The following FOXO3 variants were observed in gnomAD, a reference collection of about 807,000 sequenced individuals.
FOXO3 encodes the protein forkhead box O3, also known as forkhead box protein O3.
FOXO3 carries 4 observed loss-of-function variants against 41.9 expected under a neutral mutation model. The observed-to-expected ratio is 0.10, with a 90% CI of 0.05 to 0.22. The LOEUF is 0.22. Among genes scored for constraint, FOXO3 ranks in the 10% least tolerant of loss-of-function variants. The pLI, the probability that FOXO3 is intolerant of heterozygous loss-of-function variation, is 1.00. For missense variants in FOXO3, 534 were observed against 906.8 expected (o/e 0.59, Z 5.28); for synonymous variants, 318 against 389.3 (o/e 0.82, Z 2.16).
chr6:108,570,553 CCT>C (rs1390376581), intron 1 of FOXO3, among the ~76,000 whole-genome samples: 1 of 152,092 alleles, frequency 6.6e-6, no homozygotes, highest in African/African-American at 2.4e-5. Context: ...GTCTCAAACT[CCT>C]GGGTTCAAGC....
At chr6:108,636,491 G>A (rs1056592469) in intron 1 of FOXO3, among the ~76,000 whole-genome samples, 1 of 152,130 alleles carries the variant, frequency 6.6e-6, no homozygotes, top group African/African-American at 2.4e-5. Flanking sequence ...CTGGGCTGGG[G>A]TGGGGGGTGC....
At chr6:108,658,610 A>G (rs1778756355) in intron 1 of FOXO3, among the ~76,000 whole-genome samples, 1 of 151,548 alleles carries the variant, frequency 6.6e-6, no homozygotes, top group African/African-American at 2.4e-5. Flanking sequence ...TGCAGTGGAG[A>G]TGGGGTTTCG....
chr6:108,580,271 C>T (rs1432279502), intron 1 of FOXO3, among the ~76,000 whole-genome samples: 1 of 145,818 alleles, frequency 6.9e-6, no homozygotes, highest in Non-Finnish European at 1.5e-5. Flanking sequence ...TCACCACAAC[C>T]TCTGCCTCCT....
At chr6:108,634,858 A>G (rs938686044) in intron 1 of FOXO3, among the ~76,000 whole-genome samples, 3 of 152,074 alleles carry the variant, frequency 2.0e-5, no homozygotes, top group African/African-American at 7.2e-5. Flanking sequence ...AACAATATGG[A>G]TGGTATACCT....
intron 1 of FOXO3, among the ~76,000 whole-genome samples, chr6:108,594,783 TC>T (rs1338854689): frequency 1.3e-5 from 2 of 152,162 alleles, no homozygotes; most frequent in African/African-American, 4.8e-5. Context: ...TGCCCATTCA[TC>T]CCCAAATCGG....
At chr6:108,625,166 G>A (rs1411957293) in intron 1 of FOXO3, among the ~76,000 whole-genome samples, 1 of 152,118 alleles carries the variant, frequency 6.6e-6, no homozygotes, top group Non-Finnish European at 1.5e-5. Context: ...TCTGACGTTT[G>A]TTATAATTTA....
In FOXO3 at chr6:108,662,657, C is replaced by T. The variant is rs111881383; in HGVS notation, c.622-798C>T. Among the ~76,000 whole-genome samples the T allele has an allele frequency of 3.9e-3, 593 of 152,254 alleles. 1 individual carries two copies. Among genetic ancestry groups the T allele is most frequent in the South Asian group, 8.3e-3 (40 of 4,820 alleles). ...ACAGAAGTAGTTAAGAAAAGGTAGA[C>T]GTTGTGCCTCTATACTAGTGGAGGA... On this transcript the variant is annotated intron_variant, in intron 1 of 2. Coordinates refer to ENST00000406360, the MANE Select transcript of FOXO3 (RefSeq NM_001455.4).
chr6:108,661,526 A>T (rs1343658674), intron 1 of FOXO3, among the ~76,000 whole-genome samples: 1 of 152,182 alleles, frequency 6.6e-6, no homozygotes, highest in Non-Finnish European at 1.5e-5. Flanking sequence ...AGCCTGCTGC[A>T]GGCCATGAAC....
intron 1 of FOXO3, among the ~76,000 whole-genome samples, chr6:108,628,788 C>G (rs1490110029): frequency 6.6e-6 from 1 of 151,906 alleles, no homozygotes; most frequent in Non-Finnish European, 1.5e-5. Context: ...ACATCCTTTC[C>G]CATTAGGCAC....
chr6:108,641,918 A>AT (rs957902283), intron 1 of FOXO3, among the ~76,000 whole-genome samples: 22 of 152,200 alleles, frequency 1.4e-4, no homozygotes, highest in African/African-American at 5.1e-4. Flanking sequence ...AGACCTGTCC[A>AT]TATAAATGAG....
intron 1 of FOXO3, among the ~76,000 whole-genome samples, chr6:108,588,505 G>A (rs1296558408): frequency 2.6e-5 from 4 of 152,172 alleles, no homozygotes; most frequent in African/African-American, 9.7e-5. Flanking sequence ...GAATGCATTT[G>A]TTATTTAAAG....
Position 108,681,234 on chromosome 6 carries a change from A to G in FOXO3, c.*1442A>G, listed in dbSNP as rs574572095. 1.3e-3 allele frequency: 201 copies of G among 152,810 alleles called. 1 individual carries two copies. The highest frequency in any genetic ancestry group is 4.5e-3 in the African/African-American group (187 of 41,582). The allele number at this position is 152,810 out of a possible 1,614,324, so 9.5% of individuals were successfully genotyped here. A position where few individuals can be genotyped will look rare whatever the true frequency, so the allele number is the denominator to read the frequency against. On this transcript the variant is annotated 3_prime_UTR_variant, in exon 3 of 3. Coordinates refer to ENST00000406360, the MANE Select transcript of FOXO3 (RefSeq NM_001455.4). ...GGTATAACGATGCTCTGATTAGCAC[A>G]GTATATGCATACTTCTCCAAAGTGA...
intron 1 of FOXO3, among the ~76,000 whole-genome samples, chr6:108,589,564 TTTTCCGGG>T (rs1384555240): frequency 6.6e-6 from 1 of 152,198 alleles, no homozygotes; most frequent in African/African-American, 2.4e-5. Context: ...TCAGGCAGCC[TTTTCCGGG>T]TTTCCAGTGC....
rs547140649 is a variant in FOXO3, at chr6:108,599,524, G to A, written c.621+37695G>A. 7.9e-5 allele frequency among the ~76,000 whole-genome samples: 12 copies of A among 152,334 alleles called. No homozygotes were observed. The South Asian group carries it at 2.5e-3, about 32-fold the overall frequency. ...TATGTGCCTTGCCCTGGGGCTCAGT[G>A]AGAGGGTTGTGTTTCCACAAACATG... is the stretch of plus-strand genomic sequence containing the variant. On this transcript the variant is annotated intron_variant, in intron 1 of 2. Coordinates refer to ENST00000406360, the MANE Select transcript of FOXO3 (RefSeq NM_001455.4).
At chr6:108,665,087 TC>T (rs1449264689) in intron 2 of FOXO3, among the ~76,000 whole-genome samples, 198 bp downstream of exon 2, 1 of 151,984 alleles carries the variant, frequency 6.6e-6, no homozygotes, top group African/African-American at 2.4e-5. Flanking sequence ...GTGCCCCCCT[TC>T]CCCCGCACAG....
chr6:108,602,337 T>C (rs1180153411), intron 1 of FOXO3, among the ~76,000 whole-genome samples: 2 of 152,184 alleles, frequency 1.3e-5, no homozygotes, highest in African/African-American at 4.8e-5. Flanking sequence ...ACACAGAGCA[T>C]TATTACTTTA....
intron 1 of FOXO3, chr6:108,618,319 A>G: frequency 1.5e-6 from 1 of 650,236 alleles, no homozygotes; most frequent in Non-Finnish European, 2.9e-6. Flanking sequence ...CTGCCGCTTC[A>G]CAAAAGAGAT....
chr6:108,598,703 T>C (rs1400966988), intron 1 of FOXO3, among the ~76,000 whole-genome samples: 1 of 152,084 alleles, frequency 6.6e-6, no homozygotes, highest in Non-Finnish European at 1.5e-5. Flanking sequence ...GAAACAAAAA[T>C]TTAGGGAAGA....
In FOXO3 at chr6:108,666,166, T is replaced by C. The variant is rs148404491; in HGVS notation, c.*34+1277T>C. Among the ~76,000 whole-genome samples the C allele has an allele frequency of 4.1e-3, 621 of 152,216 alleles. 3 individuals carry two copies. The highest frequency in any genetic ancestry group is 0.014 in the Middle Eastern group (4 of 294). On this transcript the variant is annotated intron_variant, in intron 2 of 2. Coordinates refer to ENST00000406360, the MANE Select transcript of FOXO3 (RefSeq NM_001455.4). ...AAATGAGGATAATAGCCCCCATTAC[T>C]TCACAGGGTTATTACAAGAATCAAA...
Sources: gnomAD v4.1 joint callset for allele counts (sites outside exome capture counted in the v4.1 genomes callset) on GRCh38, gnomAD v4.1.1 for gene constraint, MANE v1.5 for transcripts, NCBI Gene and HGNC (gene_info 2026-07-23, HGNC 2026-07-21) for gene names.